Variants in PRDM10 observed in about 807,000 individuals in gnomAD.
PRDM10 encodes the protein PR domain zinc finger protein 10.
PRDM10 carries 65 observed loss-of-function variants against 133.1 expected under a neutral mutation model. The ratio of observed to expected loss-of-function variants is 0.49; its 90% confidence interval spans 0.40 to 0.60. PRDM10 has a LOEUF of 0.60. Ranked by LOEUF, PRDM10 falls within the 20% of genes least tolerant of loss-of-function variation. PRDM10 has a pLI of 0.00. For synonymous variants in PRDM10, 582 were observed against 580.4 expected, an observed-to-expected ratio of 1.00 and a Z score of -0.04; for missense variants, 1,137 against 1,507.1, an observed-to-expected ratio of 0.75 and a Z score of 4.07.
chr11:129,929,991 G>T (rs779305742), intron 11 of PRDM10, among the ~76,000 whole-genome samples: 9 of 152,112 alleles, frequency 5.9e-5, no homozygotes, highest in Non-Finnish European at 1.0e-4. Flanking sequence ...CATATGTTTC[G>T]ATTACAGGGC....
At chr11:129,955,391 G>T in intron 4 of PRDM10, 121 bp downstream of exon 4, 1 of 873,666 alleles carries the variant, frequency 1.1e-6, no homozygotes, top group Non-Finnish European at 1.7e-6. Context: ...AGGAGCTGGA[G>T]AACATTCTTA....
intron 1 of PRDM10, among the ~76,000 whole-genome samples, chr11:130,001,061 C>A (rs1939340563): frequency 6.6e-6 from 1 of 152,256 alleles, no homozygotes; most frequent in South Asian, 2.1e-4. Flanking sequence ...GAGCCAAGAT[C>A]GCGCCACTGC....
intron 1 of PRDM10, among the ~76,000 whole-genome samples, chr11:129,985,086 T>G (rs1012266545): frequency 2.6e-5 from 4 of 152,058 alleles, no homozygotes; most frequent in African/African-American, 9.7e-5. Flanking sequence ...GATGAGGGAG[T>G]GTCCCCAGCA....
At position 129,924,868 on chromosome 11, in the gene PRDM10, T is replaced by G; in HGVS notation, c.1878+14A>C. 1 of 1,571,662 alleles carries G rather than the reference T, an allele frequency of 6.4e-7. No individual in the cohort carries two copies. The highest frequency in any genetic ancestry group is 8.6e-7 in the Non-Finnish European group (1 of 1,160,048). On this transcript the variant is annotated intron_variant, in intron 12 of 20. Coordinates refer to ENST00000360871, the MANE Select transcript of PRDM10 (RefSeq NM_199437.2). ...AGAAGGAAGCAGACAGGAATCTCAG[T>G]AGTAGACACTCACCTGGATAAAATC... is the stretch of plus-strand genomic sequence containing the variant.
Position 129,915,747 on chromosome 11 carries a change from G to C in PRDM10, c.2439C>G (p.Pro813=), listed in dbSNP as rs760188297. The change falls in exon 16 of 21, where the codon CCC becomes CCG. Residue 813 remains proline (P), a synonymous_variant. Transcript: ENST00000360871. ...LRPAGPGEPD[P]MLSTHTQLTG... is the part of the protein sequence containing the mutation. The stretch of plus-strand genomic sequence containing the variant: ...TCAGCTGGGTGTGTGTGCTCAGCAT[G>C]GGGTCTGGCTCTCCAGGACCAGCGG... 1 of 1,614,192 alleles carries C rather than the reference G, an allele frequency of 6.2e-7. No homozygotes were observed. Among genetic ancestry groups the C allele is most frequent in the East Asian group, 2.2e-5 (1 of 44,878 alleles).
intron 1 of PRDM10, among the ~76,000 whole-genome samples, chr11:129,961,283 G>A (rs1951789912): frequency 6.6e-6 from 1 of 151,920 alleles, no homozygotes; most frequent in Admixed American, 6.6e-5. Context: ...CAGCTCTTTG[G>A]GGTTTTTTTG....
Position 129,944,903 on chromosome 11 carries a change from C to T in PRDM10, c.630G>A (p.Leu210=). The part of the protein sequence containing the change: ...VLTRARASLP[L]VLYIDRFLGG... Reference sequence around the variant, plus strand: ...CCAGAAACCTGTCTATGTAGAGCACCAGGGGGAGGCTCGCCCTGGCCCGGG... The same window carrying T: ...CCAGAAACCTGTCTATGTAGAGCACTAGGGGGAGGCTCGCCCTGGCCCGGG... Residue 210 remains leucine, a synonymous_variant, in exon 6 of 21, where the codon CTG becomes CTA. Coordinates refer to ENST00000360871, the MANE Select transcript of PRDM10 (RefSeq NM_199437.2). 2 of 1,614,082 alleles carry T rather than the reference C, an allele frequency of 1.2e-6. No individual in the cohort carries two copies. Among genetic ancestry groups the T allele is most frequent in the East Asian group, 2.2e-5 (1 of 44,850 alleles).
In PRDM10 at chr11:129,925,039, T is replaced by C; in HGVS notation, c.1721A>G (p.His574Arg). The C allele has an allele frequency of 6.2e-7, 1 of 1,614,234 alleles. No homozygotes were observed. The highest frequency in any genetic ancestry group is 8.5e-7 in the Non-Finnish European group (1 of 1,180,036). ...CTTCTGGTCTGAGTGGAGCTTCATG[T>C]GGCTCTCCAAGGATGTGCTGCTGAT... is the stretch of plus-strand genomic sequence containing the variant. ...GFISSTSLES[H>R]MKLHSDQKTY... The change falls in exon 12 of 21, where the codon CAC (histidine) becomes CGC (arginine). Residue 574 changes from histidine (H) to arginine (R), a missense_variant. His to Arg is a conservative substitution (Grantham distance 29). Coordinates refer to ENST00000360871, the MANE Select transcript of PRDM10 (RefSeq NM_199437.2).
Position 129,902,119 on chromosome 11 carries a change from G to A in PRDM10, c.*194C>T. On this transcript the variant is annotated 3_prime_UTR_variant, in exon 21 of 21. Transcript: ENST00000360871. ...AGATCTCTGTTCTGTGGCAAAAACC[G>A]AGGGTTTGAAGAGTCAATTTGATAA... 2 of 704,540 alleles carry A rather than the reference G, an allele frequency of 2.8e-6. No homozygotes were observed. The highest frequency in any genetic ancestry group is 4.4e-6 in the Non-Finnish European group (2 of 452,982). 43.6% of individuals were successfully genotyped at this position (704,540 alleles called of 1,614,324 possible).
rs151079834 is a variant in PRDM10, at chr11:129,912,943, C to G, written c.2842-718G>C. ...GGTGTGGTGGCGAGCACCTGTAATC[C>G]CAGCTACTCAGGAGGCTAAGGCAGA... On this transcript the variant is annotated intron_variant, in intron 17 of 20. Transcript: ENST00000360871. 7.2e-3 allele frequency among the ~76,000 whole-genome samples: 1,091 copies of G among 151,674 alleles called. 12 individuals carry two copies. Among genetic ancestry groups the G allele is most frequent in the African/African-American group, 0.025 (1,031 of 41,354 alleles).
At position 129,947,291 on chromosome 11, in the gene PRDM10, G is replaced by A. The variant is rs772692459; in HGVS notation, c.374C>T (p.Thr125Ile). The A allele has an allele frequency of 3.1e-6, 5 of 1,614,108 alleles. No individual in the cohort carries two copies. In the South Asian group the frequency reaches 5.5e-5, roughly 18 times the overall value. ...DGSDPLATLQTPLGRLEAKEE... is the reference protein window; with the variant it reads ...DGSDPLATLQIPLGRLEAKEE... Reference sequence around the variant, plus strand: ...TTTGGCCTCCAGTCTGCCTAGAGGGGTCTGCAGAGTTGCCAAAGGGTCGGA... The same window carrying A: ...TTTGGCCTCCAGTCTGCCTAGAGGGATCTGCAGAGTTGCCAAAGGGTCGGA... The change falls in exon 5 of 21, where the codon ACC becomes ATC. Residue 125 changes from threonine (T) to isoleucine (I), a missense_variant. By Grantham distance (89) the Thr-to-Ile change is moderately conservative (BLOSUM62 -1). Around this residue, in one of 6 missense-constraint regions of PRDM10, gnomAD observed 635 missense variants for 835.2 expected, o/e 0.76. Coordinates refer to ENST00000360871, the MANE Select transcript of PRDM10 (RefSeq NM_199437.2). The surrounding 1 kb of genome is among the most constrained non-coding windows in gnomAD (Gnocchi z 4.6).
intron 7 of PRDM10, among the ~76,000 whole-genome samples, chr11:129,939,572 T>C (rs1951142335): frequency 6.6e-6 from 1 of 152,244 alleles, no homozygotes; most frequent in Non-Finnish European, 1.5e-5. Flanking sequence ...TCTTGCTACC[T>C]GCTCACTGCT....
chr11:129,920,609 T>A (rs769831693), intron 13 of PRDM10, among the ~76,000 whole-genome samples: 14 of 151,592 alleles, frequency 9.2e-5, no homozygotes, highest in African/African-American at 1.5e-4. Flanking sequence ...CCTCCATCAG[T>A]CCCCTTCTCC....
chr11:129,980,005 C>T (rs1453176641), intron 1 of PRDM10, among the ~76,000 whole-genome samples: 6 of 152,222 alleles, frequency 3.9e-5, no homozygotes, highest in Admixed American at 1.3e-4. Flanking sequence ...CAATGAGATG[C>T]ACTTTCCATG....
chr11:129,952,313 TACTC>T (rs1323271587), intron 4 of PRDM10, among the ~76,000 whole-genome samples: 1 of 152,110 alleles, frequency 6.6e-6, no homozygotes, highest in Non-Finnish European at 1.5e-5. Context: ...AGAATGCAAA[TACTC>T]AGTGTGGCAA....
Position 129,944,737 on chromosome 11 carries a change from G to A in PRDM10, c.762+34C>T, listed in dbSNP as rs186281702. On this transcript the variant is annotated intron_variant, in intron 6 of 20. Transcript: ENST00000360871. Reference sequence around the variant, plus strand: ...CAGTGCTCCTTCAAACACTGGTAAAGGACAGGAGTGAAGTGTGATAGAGCA... The same window carrying A: ...CAGTGCTCCTTCAAACACTGGTAAAAGACAGGAGTGAAGTGTGATAGAGCA... 1.9e-6 allele frequency: 3 copies of A among 1,611,370 alleles called. No homozygotes were observed. The African/African-American group carries it at 4.0e-5, about 22-fold the overall frequency.
At chr11:129,965,897 A>C (rs1951898025) in intron 1 of PRDM10, among the ~76,000 whole-genome samples, 1 of 152,102 alleles carries the variant, frequency 6.6e-6, no homozygotes, top group African/African-American at 2.4e-5. Flanking sequence ...CCATGTACTT[A>C]GTTGGGGCGT....
chr11:130,001,449 T>G (rs563171669), intron 1 of PRDM10, among the ~76,000 whole-genome samples: 1 of 152,174 alleles, frequency 6.6e-6, no homozygotes. Flanking sequence ...GAATTTGGGG[T>G]GACGAGACAG....
chr11:129,922,525 A>T (rs572303517), intron 13 of PRDM10, among the ~76,000 whole-genome samples: 26 of 152,274 alleles, frequency 1.7e-4, no homozygotes, highest in African/African-American at 6.0e-4. Context: ...ATCTGTTACA[A>T]ATATACCCTT....
Sources: gnomAD v4.1 joint callset for allele counts (sites outside exome capture counted in the v4.1 genomes callset) on GRCh38, gnomAD v4.1.1 for gene constraint, gnomAD v4.1.1 regional missense constraint, Gnocchi (gnomAD v3.1) non-coding constraint, MANE v1.5 for transcripts, NCBI Gene and HGNC (gene_info 2026-07-23, HGNC 2026-07-21) for gene names.